ZBTB44: variants seen among roughly 807,000 people sequenced by gnomAD.
ZBTB44 encodes the protein zinc finger and BTB domain containing 44.
In ZBTB44, 15 loss-of-function variants were observed where a neutral mutation model predicts 54.0. The ratio of observed to expected loss-of-function variants is 0.28; its 90% confidence interval spans 0.19 to 0.43. The LOEUF (loss-of-function observed/expected upper bound fraction) is 0.43. ZBTB44 is among the 20% of genes least tolerant of loss of function. The pLI, the probability that ZBTB44 is intolerant of heterozygous loss-of-function variation, is 1.00. For synonymous variants in ZBTB44, 230 were observed against 250.1 expected (o/e 0.92, Z 0.76); for missense variants, 487 against 707.1 (o/e 0.69, Z 3.53).
Position 130,260,859 on chromosome 11 carries a change from T to C in ZBTB44, c.1015A>G (p.Ile339Val), listed in dbSNP as rs1485403072. The C allele has an allele frequency of 6.2e-7, 1 of 1,609,448 alleles. No homozygotes were observed. The highest frequency in any genetic ancestry group is 1.7e-5 in the Admixed American group (1 of 59,394). Residue 339 changes from isoleucine to valine, a missense_variant, in exon 2 of 8, where the codon ATA (isoleucine) becomes GTA (valine). By Grantham distance (29) the Ile-to-Val change is conservative (BLOSUM62 3). Coordinates refer to ENST00000357899, the MANE Select transcript of ZBTB44 (RefSeq NM_001301098.2). ...AAAAACACAGAAGGCATTATACCTATAGAGGAAGACTGTGGACTAATCAGA... is the reference window on the plus strand; with the variant it reads ...AAAAACACAGAAGGCATTATACCTACAGAGGAAGACTGTGGACTAATCAGA... The part of the protein sequence containing the change: ...DLLISPQSSS[I>V]GSVDEGVSEG...
chr11:130,241,734 T>C (rs1043078729), intron 2 of ZBTB44, among the ~76,000 whole-genome samples: 9 of 152,206 alleles, frequency 5.9e-5, no homozygotes, highest in Admixed American at 2.6e-4. Context: ...CTCATTGTTA[T>C]GGCTTTTTGG....
At chr11:130,271,265 AAT>A (rs1939648014) in intron 1 of ZBTB44, among the ~76,000 whole-genome samples, 1 of 152,216 alleles carries the variant, frequency 6.6e-6, no homozygotes, top group African/African-American at 2.4e-5. Context: ...ATGAAATGAT[AAT>A]GTACTTAATC....
intron 1 of ZBTB44, among the ~76,000 whole-genome samples, chr11:130,299,940 G>A (rs1941901653): frequency 6.6e-6 from 1 of 152,190 alleles, no homozygotes; most frequent in East Asian, 1.9e-4. Flanking sequence ...GAATTAATGA[G>A]ATGTGGCATA....
intron 1 of ZBTB44, among the ~76,000 whole-genome samples, chr11:130,270,704 A>T (rs532754731): frequency 6.6e-6 from 1 of 152,348 alleles, no homozygotes; most frequent in East Asian, 1.9e-4. Flanking sequence ...TTTTGTACTA[A>T]GGGTGGGTGG....
intron 1 of ZBTB44, chr11:130,296,059 A>G: frequency 1.9e-6 from 3 of 1,581,648 alleles, no homozygotes; most frequent in Non-Finnish European, 2.6e-6. Flanking sequence ...AGCTGATCGT[A>G]TCTTGGATGT....
Position 130,226,866 on chromosome 11 carries a change from C to CT in ZBTB44, c.*4897dup, listed in dbSNP as rs1446254755. ...TTTTTTTTTTAAAAAAAGTTTAAAC[C>CT]TTTTTTAAAAAGATTAAACAATCAG... On this transcript the variant is annotated 3_prime_UTR_variant, in exon 8 of 8. Coordinates refer to ENST00000357899, the MANE Select transcript of ZBTB44 (RefSeq NM_001301098.2). 6.6e-6 allele frequency: 1 copy of CT among 151,420 alleles called. No individual in the cohort carries two copies. The highest frequency in any genetic ancestry group is 2.4e-5 in the African/African-American group (1 of 41,154). The allele number at this position is 151,420 out of a possible 1,614,324, so 9.4% of individuals were successfully genotyped here.
chr11:130,280,250 G>GA (rs1940409057), intron 1 of ZBTB44, among the ~76,000 whole-genome samples: 2 of 152,054 alleles, frequency 1.3e-5, no homozygotes, highest in Admixed American at 1.3e-4. Flanking sequence ...AGCACGAGGA[G>GA]AAAAAAGAGA....
At chr11:130,250,187 G>T (rs11222012) in intron 2 of ZBTB44, among the ~76,000 whole-genome samples, 2 of 151,788 alleles carry the variant, frequency 1.3e-5, no homozygotes, top group East Asian at 3.9e-4. Context: ...GTGTGGCACA[G>T]TGGCTATGGC....
intron 1 of ZBTB44, among the ~76,000 whole-genome samples, chr11:130,282,978 C>T (rs1441371299): frequency 6.6e-6 from 1 of 151,358 alleles, no homozygotes; most frequent in African/African-American, 2.4e-5. Context: ...GTGACTAGCT[C>T]CAATATTTTT....
intron 2 of ZBTB44, among the ~76,000 whole-genome samples, chr11:130,258,291 A>G (rs569746850): frequency 2.0e-5 from 3 of 152,284 alleles, no homozygotes; most frequent in Admixed American, 2.0e-4. Flanking sequence ...TGTTCTTTCA[A>G]TATACATATT....
chr11:130,303,034 G>GA (rs1272749650), intron 1 of ZBTB44, among the ~76,000 whole-genome samples: 10 of 152,090 alleles, frequency 6.6e-5, no homozygotes, highest in Non-Finnish European at 1.0e-4. Context: ...CTAAGTCCCT[G>GA]AAAAACTTAT....
At chr11:130,280,184 A>G (rs1940402907) in intron 1 of ZBTB44, among the ~76,000 whole-genome samples, 1 of 152,200 alleles carries the variant, frequency 6.6e-6, no homozygotes, top group Non-Finnish European at 1.5e-5. Flanking sequence ...TCTAAAGTGC[A>G]TTTGCAATTA....
intron 1 of ZBTB44, among the ~76,000 whole-genome samples, chr11:130,288,947 G>C (rs1202593831): frequency 6.6e-6 from 1 of 150,680 alleles, no homozygotes; most frequent in Non-Finnish European, 1.5e-5. Context: ...GGAATTTGTA[G>C]ACAAGAACTT....
At chr11:130,237,151 C>A (rs1954139914) in intron 4 of ZBTB44, 58 bp from the exon 5 acceptor site, 2 of 1,395,666 alleles carry the variant, frequency 1.4e-6, no homozygotes, top group Non-Finnish European at 1.9e-6. Flanking sequence ...AAGTCATAAA[C>A]CCTACAAATT....
rs112601750 is a variant in ZBTB44 at position 130,246,800 on chromosome 11, C to T, written c.1019-6904G>A. Among the ~76,000 whole-genome samples the T allele has an allele frequency of 8.9e-3, 1,357 of 152,252 alleles. 24 individuals carry two copies. Among genetic ancestry groups the T allele is most frequent in the African/African-American group, 0.029 (1,225 of 41,532 alleles). ...TAGGGGTGGGGCCTGGTCCTTACAG[C>T]CACAGTATTCTCCTGGGGAACATAA... On this transcript the variant is annotated intron_variant, in intron 2 of 7. Transcript: ENST00000357899.
At chr11:130,235,813 C>A (rs1954083443) in intron 5 of ZBTB44, among the ~76,000 whole-genome samples, 1 of 152,002 alleles carries the variant, frequency 6.6e-6, no homozygotes, top group Non-Finnish European at 1.5e-5. Flanking sequence ...ATCAGACTGG[C>A]CAACATGGTG....
At chr11:130,246,777 G>A (rs1021853071) in intron 2 of ZBTB44, among the ~76,000 whole-genome samples, 2 of 152,194 alleles carry the variant, frequency 1.3e-5, no homozygotes, top group Non-Finnish European at 2.9e-5. Context: ...CACTCATTTA[G>A]GGGTGGGGCC....
chr11:130,259,917 C>T (rs1938732411), intron 2 of ZBTB44, among the ~76,000 whole-genome samples: 1 of 151,020 alleles, frequency 6.6e-6, no homozygotes, highest in African/African-American at 2.4e-5. Context: ...CAAAACTGAA[C>T]GTTCTGCACA....
At chr11:130,274,358 T>C (rs1316896036) in intron 1 of ZBTB44, among the ~76,000 whole-genome samples, 1 of 152,222 alleles carries the variant, frequency 6.6e-6, no homozygotes, top group Non-Finnish European at 1.5e-5. Context: ...CTTTTATTTA[T>C]CTTGCCTAAT....
Sources: allele counts gnomAD v4.1 joint callset (sites outside exome capture counted in the v4.1 genomes callset), GRCh38; gene constraint gnomAD v4.1.1; transcripts MANE v1.5; gene names NCBI Gene and HGNC (gene_info 2026-07-23, HGNC 2026-07-21).